The following OR51B5 variants were observed in gnomAD, a reference collection of about 807,000 sequenced individuals.
The protein encoded by OR51B5 is olfactory receptor 51B5.
For synonymous variants in OR51B5, 186 were observed against 144.8 expected (o/e 1.28, Z -2.04); for missense variants, 456 against 374.6 (o/e 1.22, Z -1.79).
intron 1 of OR51B5, chr11:5,392,747 C>G (rs549929226): frequency 2.6e-5 from 4 of 152,094 alleles, no homozygotes; most frequent in African/African-American, 9.7e-5. Context: ...CCAGTCTCTA[C>G]TAAAAATACA....
chr11:5,342,535 C>A (rs768657326), downstream of OR51B5: 1 of 1,521,074 alleles, frequency 6.6e-7, no homozygotes. Context: ...TGCTCTCCTG[C>A]TAAATATTAG....
chr11:5,398,170 G>T (rs1029180187), intron 1 of OR51B5, among the ~76,000 whole-genome samples: 1 of 137,314 alleles, frequency 7.3e-6, no homozygotes, highest in Admixed American at 7.9e-5. Flanking sequence ...CCTGCACCTT[G>T]TGCACATGTA....
intron 1 of OR51B5, among the ~76,000 whole-genome samples, chr11:5,477,043 G>C (rs551926634): frequency 9.8e-5 from 15 of 152,324 alleles, no homozygotes; most frequent in African/African-American, 2.6e-4. Flanking sequence ...AATGTGCCGA[G>C]AGGGTAGATC....
At chr11:5,496,355 A>G (rs1851650582) in intron 1 of OR51B5, among the ~76,000 whole-genome samples, 1 of 152,106 alleles carries the variant, frequency 6.6e-6, no homozygotes, top group African/African-American at 2.4e-5. Flanking sequence ...AATGATTTGA[A>G]TTGGCAACAA....
intron 1 of OR51B5, among the ~76,000 whole-genome samples, chr11:5,414,920 C>T (rs1421944670): frequency 7.9e-5 from 12 of 152,114 alleles, no homozygotes; most frequent in Non-Finnish European, 1.5e-4. Context: ...CTGCACCAAG[C>T]GGACCTAATA....
At chr11:5,347,986 G>T (rs1309563761), upstream of OR51B5, among the ~76,000 whole-genome samples, 1 of 152,060 alleles carries the variant, frequency 6.6e-6, no homozygotes, top group Admixed American at 6.6e-5. Flanking sequence ...AGGGAACAAA[G>T]TTTCAGGTCA....
At chr11:5,454,122 T>G in intron 1 of OR51B5, 2 of 1,614,138 alleles carry the variant, frequency 1.2e-6, no homozygotes, top group Non-Finnish European at 8.5e-7. Flanking sequence ...CATGGACCTG[T>G]TTTTTATCTT....
intron 1 of OR51B5, among the ~76,000 whole-genome samples, chr11:5,467,534 C>G (rs550015852): frequency 1.8e-4 from 28 of 152,342 alleles, no homozygotes; most frequent in Middle Eastern, 3.4e-3. Context: ...TAACTGTTTA[C>G]TCTCCAGTTA....
rs879014209 is a variant in OR51B5 at position 5,478,759 on chromosome 11, G to A, written n.84+26810C>T. ...TGCGATCAACTGGAAGAAAGGGTAT[G>A]AGCAATGGAAGATGAAATGAATGAA... On this transcript the variant is annotated intron_variant and non_coding_transcript_variant, in intron 1 of 4. Coordinates refer to the OR51B5 transcript ENST00000415970. Among the ~76,000 whole-genome samples, 113 of 150,632 alleles carry A rather than the reference G, an allele frequency of 7.5e-4. 1 individual carries two copies. Among genetic ancestry groups the A allele is most frequent in the Middle Eastern group, 6.8e-3 (2 of 292 alleles).
intron 1 of OR51B5, among the ~76,000 whole-genome samples, chr11:5,360,516 A>T (rs1414343466): frequency 6.6e-6 from 1 of 151,594 alleles, no homozygotes; most frequent in East Asian, 1.9e-4. Flanking sequence ...GATGTGAAGA[A>T]GTAGGAACAC....
intron 1 of OR51B5, among the ~76,000 whole-genome samples, chr11:5,438,358 C>G (rs1242290940): frequency 1.3e-5 from 2 of 151,308 alleles, no homozygotes; most frequent in Non-Finnish European, 3.0e-5. Flanking sequence ...TAGCAACACC[C>G]CCCCCCAGTT....
At chr11:5,462,006 T>A (rs1851060863) in intron 1 of OR51B5, among the ~76,000 whole-genome samples, 1 of 151,944 alleles carries the variant, frequency 6.6e-6, no homozygotes, top group Non-Finnish European at 1.5e-5. Context: ...CTCTCCCCAA[T>A]CAAAGAAAAT....
chr11:5,471,500 G>T (rs1374231598), intron 1 of OR51B5, among the ~76,000 whole-genome samples: 1 of 152,036 alleles, frequency 6.6e-6, no homozygotes, highest in Non-Finnish European at 1.5e-5. Flanking sequence ...CCCAGGCGTG[G>T]TCACACATGA....
chr11:5,416,089 G>C (rs1278249274), intron 1 of OR51B5, among the ~76,000 whole-genome samples: 1 of 149,040 alleles, frequency 6.7e-6, no homozygotes, highest in African/African-American at 2.5e-5. Flanking sequence ...TGATCAAGTG[G>C]GCTTCATCCC....
In OR51B5 at chr11:5,377,287, A is replaced by C. The variant is rs552357182; in HGVS notation, n.85-30377T>G. ...CCTTCATGCTAAAAACTTTCAATAA[A>C]TTAGGTATTGATGGGACATATCTCA... On this transcript the variant is annotated intron_variant and non_coding_transcript_variant, in intron 1 of 4. Transcript: ENST00000415970. Among the ~76,000 whole-genome samples the C allele has an allele frequency of 3.3e-5, 5 of 152,348 alleles. No individual in the cohort carries two copies. In the East Asian group the frequency reaches 7.7e-4, roughly 24 times the overall value.
Position 5,474,226 on chromosome 11 carries a change from A to G in OR51B5, n.84+31343T>C, listed in dbSNP as rs544965219. On this transcript the variant is annotated intron_variant and non_coding_transcript_variant, in intron 1 of 4. Coordinates refer to the OR51B5 transcript ENST00000415970. Reference sequence around the variant, plus strand: ...TTTGTAGATGAAATATCTGAAATTCAAAGAGATTACACAACTTGCCATATC... The same window carrying G: ...TTTGTAGATGAAATATCTGAAATTCGAAGAGATTACACAACTTGCCATATC... Among the ~76,000 whole-genome samples, 12 of 152,298 alleles carry G rather than the reference A, an allele frequency of 7.9e-5. No individual in the cohort carries two copies. In the South Asian group the frequency reaches 2.3e-3, roughly 29 times the overall value.
intron 1 of OR51B5, among the ~76,000 whole-genome samples, chr11:5,466,795 T>G (rs1394347964): frequency 6.6e-6 from 1 of 152,234 alleles, no homozygotes. Context: ...GCACTTTCTT[T>G]GAGGCCACTT....
At chr11:5,489,131 C>G (rs780502302) in intron 1 of OR51B5, 2 of 1,613,972 alleles carry the variant, frequency 1.2e-6, no homozygotes, top group Non-Finnish European at 1.7e-6. Flanking sequence ...CTCAACCATG[C>G]TGTCATAGGC....
At chr11:5,421,798 GATAAAGATTGAAT>G (rs1850342926) in intron 1 of OR51B5, among the ~76,000 whole-genome samples, 1 of 152,182 alleles carries the variant, frequency 6.6e-6, no homozygotes. Context: ...ATCAAAAAAA[GATAAAGATTGAAT>G]ATTAAGCATC....
Sources: gnomAD v4.1 joint callset for allele counts (sites outside exome capture counted in the v4.1 genomes callset) on GRCh38, gnomAD v4.1.1 for gene constraint, MANE v1.5 for transcripts, NCBI Gene and HGNC (gene_info 2026-07-23, HGNC 2026-07-21) for gene names.